NRG3: variants seen among roughly 807,000 people sequenced by gnomAD.
NRG3 encodes neuregulin 3, also known as pro-neuregulin-3, membrane-bound isoform.
A neutral mutation model predicts 66.9 loss-of-function variants in NRG3; 31 were observed. The ratio of observed to expected loss-of-function variants is 0.46; its 90% CI spans 0.35 to 0.63. The LOEUF (loss-of-function observed/expected upper bound fraction) is 0.63. NRG3 is among the 20% of genes least tolerant of loss of function. NRG3 has a pLI of 0.00. For missense variants in NRG3, 910 were observed against 878.9 expected (o/e 1.04, Z -0.45); for synonymous variants, 393 against 359.4 (o/e 1.09, Z -1.06).
Position 82,550,310 on chromosome 10 carries a change from C to T in NRG3, c.954-188267C>T, listed in dbSNP as rs530523466. On this transcript the variant is annotated intron_variant, in intron 2 of 8. Transcript: ENST00000372141. ...AAGACTAATTGCTAGAATACTTCAGCCTGCCAATGAGAAAACATGTTCAGC... is the reference window on the plus strand; with the variant it reads ...AAGACTAATTGCTAGAATACTTCAGTCTGCCAATGAGAAAACATGTTCAGC... Among the ~76,000 whole-genome samples, 3 of 152,262 alleles carry T rather than the reference C, an allele frequency of 2.0e-5. No individual in the cohort carries two copies. The South Asian group carries it at 6.2e-4, about 32-fold the overall frequency.
At chr10:82,984,067 G>A (rs773209821) in intron 8 of NRG3, among the ~76,000 whole-genome samples, 6 of 152,212 alleles carry the variant, frequency 3.9e-5, no homozygotes, top group Non-Finnish European at 1.5e-5. Context: ...GAGATTTATT[G>A]TATGGAAGGT....
intron 4 of NRG3, among the ~76,000 whole-genome samples, chr10:82,872,796 G>A (rs1043649317): frequency 6.6e-6 from 1 of 151,550 alleles, no homozygotes; most frequent in African/African-American, 2.4e-5. Context: ...CAGGAAAGGG[G>A]ACACTTAAGC....
intron 2 of NRG3, among the ~76,000 whole-genome samples, chr10:82,408,074 AGAGAGAG>A: frequency 7.4e-6 from 1 of 135,908 alleles, no homozygotes; most frequent in East Asian, 2.2e-4. Flanking sequence ...AGAGAGAGAG[AGAGAGAG>A]AGACAGAAAG....
At chr10:82,057,744 C>T (rs555943565) in intron 1 of NRG3, among the ~76,000 whole-genome samples, 2 of 152,216 alleles carry the variant, frequency 1.3e-5, no homozygotes, top group East Asian at 1.9e-4. Flanking sequence ...CGTCCTTCTT[C>T]GTATCTACTT....
intron 4 of NRG3, among the ~76,000 whole-genome samples, chr10:82,934,013 G>A (rs1336550541): frequency 2.0e-5 from 3 of 152,164 alleles, no homozygotes; most frequent in Non-Finnish European, 4.4e-5. Flanking sequence ...TATTTGAAAA[G>A]TGTGTGCTCG....
chr10:82,594,499 C>T (rs530664115), intron 2 of NRG3, among the ~76,000 whole-genome samples: 2 of 152,036 alleles, frequency 1.3e-5, no homozygotes, highest in South Asian at 4.2e-4. Context: ...CTAAGATGAA[C>T]CTAAAACAAA....
rs1471180959 is a variant in NRG3 at position 82,649,010 on chromosome 10, C to G, written c.954-89567C>G. ...GAGCTATCTATGACAAACCCACAGC[C>G]AATATCATACCGAATGGGCAAAAAC... On this transcript the variant is annotated intron_variant, in intron 2 of 8. Coordinates refer to ENST00000372141, the MANE Select transcript of NRG3 (RefSeq NM_001010848.4). Among the ~76,000 whole-genome samples, 2 of 152,068 alleles carry G rather than the reference C, an allele frequency of 1.3e-5. 1 individual carries two copies. Among genetic ancestry groups the G allele is most frequent in the East Asian group, 3.9e-4 (2 of 5,180 alleles).
rs116883949 is a variant in NRG3 at position 82,653,684 on chromosome 10, C to A, written c.954-84893C>A. Among the ~76,000 whole-genome samples the A allele has an allele frequency of 8.7e-4, 130 of 150,074 alleles. 5 individuals carry two copies. In the East Asian group the frequency reaches 0.022, roughly 25 times the overall value. The stretch of plus-strand genomic sequence containing the variant: ...AAACAAAGGTGGTGGGGGTGGATCA[C>A]CATAATCCTGCCAAGAGTGAAAGTA... On this transcript the variant is annotated intron_variant, in intron 2 of 8. Transcript: ENST00000372141.
At chr10:82,814,856 A>T (rs1445801614) in intron 3 of NRG3, among the ~76,000 whole-genome samples, 1 of 152,196 alleles carries the variant, frequency 6.6e-6, no homozygotes, top group Non-Finnish European at 1.5e-5. Context: ...ACTTTATGTG[A>T]GAGGCCTCCT....
At chr10:82,891,286 T>G (rs778367140) in intron 4 of NRG3, among the ~76,000 whole-genome samples, 4 of 151,922 alleles carry the variant, frequency 2.6e-5, no homozygotes, top group Non-Finnish European at 5.9e-5. Context: ...ATTCTTTCTG[T>G]GCATGGACAT....
At chr10:82,623,435 C>T (rs557052977) in intron 2 of NRG3, among the ~76,000 whole-genome samples, 1 of 152,190 alleles carries the variant, frequency 6.6e-6, no homozygotes, top group Non-Finnish European at 1.5e-5. Flanking sequence ...ATCAGATTTG[C>T]TCTCTGCCTT....
Position 82,317,796 on chromosome 10 carries a change from G to T in NRG3, c.824-40943G>T, listed in dbSNP as rs188527725. On this transcript the variant is annotated intron_variant, in intron 1 of 8. Transcript: ENST00000372141. ...GTTAAGGACGGATCCTGGGAGATGG[G>T]TCTGTGCCTTTCTCTGAAGATGATT... is the stretch of plus-strand genomic sequence containing the variant. Among the ~76,000 whole-genome samples the T allele has an allele frequency of 4.6e-5, 7 of 152,318 alleles. No homozygotes were observed. In the East Asian group the frequency reaches 1.4e-3, roughly 29 times the overall value.
At chr10:82,759,055 T>C (rs1223292281) in intron 3 of NRG3, among the ~76,000 whole-genome samples, 2 of 152,050 alleles carry the variant, frequency 1.3e-5, no homozygotes, top group African/African-American at 2.4e-5. Flanking sequence ...TAGGACCTAG[T>C]GAGAGATGTT....
At chr10:82,392,449 G>T (rs1247795322) in intron 2 of NRG3, among the ~76,000 whole-genome samples, 1 of 152,078 alleles carries the variant, frequency 6.6e-6, no homozygotes, top group African/African-American at 2.4e-5. Flanking sequence ...AATGCCAAAA[G>T]GTACATTAGG....
intron 1 of NRG3, among the ~76,000 whole-genome samples, chr10:82,348,147 A>G (rs2083160874): frequency 6.6e-6 from 1 of 152,086 alleles, no homozygotes; most frequent in Admixed American, 6.5e-5. Context: ...TAGTTGATGC[A>G]GTTTCTTCCT....
intron 1 of NRG3, among the ~76,000 whole-genome samples, chr10:82,322,350 A>G (rs2081621948): frequency 6.6e-6 from 1 of 152,112 alleles, no homozygotes; most frequent in South Asian, 2.1e-4. Flanking sequence ...TGTGTGGTTG[A>G]CTCCAGGATG....
At position 82,819,108 on chromosome 10, in the gene NRG3, A is replaced by G. The variant is rs567208330; in HGVS notation, c.1028-46303A>G. Among the ~76,000 whole-genome samples, 4 of 152,342 alleles carry G rather than the reference A, an allele frequency of 2.6e-5. No individual in the cohort carries two copies. The East Asian group carries it at 7.7e-4, about 29-fold the overall frequency. On this transcript the variant is annotated intron_variant, in intron 3 of 8. Transcript: ENST00000372141. Reference sequence around the variant, plus strand: ...GTAATTGGGATCATTCAGACTGCCAAGTGTTCAAGCTTTTCCTTATTTGAA... The same window carrying G: ...GTAATTGGGATCATTCAGACTGCCAGGTGTTCAAGCTTTTCCTTATTTGAA...
intron 1 of NRG3, among the ~76,000 whole-genome samples, chr10:82,157,149 C>T (rs1454878549): frequency 6.6e-6 from 1 of 151,546 alleles, no homozygotes; most frequent in Non-Finnish European, 1.5e-5. Context: ...ACTGAGTTTA[C>T]AGGGAAATGA....
intron 5 of NRG3, among the ~76,000 whole-genome samples, chr10:82,954,962 C>A (rs894169274): frequency 6.6e-6 from 1 of 151,820 alleles, no homozygotes; most frequent in Non-Finnish European, 1.5e-5. Context: ...AGCTTAGAAG[C>A]CCCAAGTCTT....
Sources: allele counts gnomAD v4.1 joint callset (sites outside exome capture counted in the v4.1 genomes callset), GRCh38; gene constraint gnomAD v4.1.1; transcripts MANE v1.5; gene names NCBI Gene and HGNC (gene_info 2026-07-23, HGNC 2026-07-21).